The following LSMEM1 variants were observed in gnomAD, a reference collection of about 807,000 sequenced individuals.
The protein encoded by LSMEM1 is leucine-rich single-pass membrane protein 1.
In LSMEM1, 10 loss-of-function variants were observed where a neutral mutation model predicts 11.3. The observed-to-expected ratio is 0.89, with a 90% confidence interval of 0.55 to 1.50. The LOEUF (loss-of-function observed/expected upper bound fraction) is 1.50, where lower values mean the gene tolerates loss of function less well. LSMEM1 is among the 40% of genes most tolerant of loss of function. LSMEM1 has a pLI of 0.00. For synonymous variants in LSMEM1, 65 were observed against 59.3 expected, an observed-to-expected ratio of 1.10 and a Z score of -0.44; for missense variants, 151 against 152.9, an observed-to-expected ratio of 0.99 and a Z score of 0.06.
At chr7:112,484,738 T>C in intron 1 of LSMEM1, 74 bp from the exon 2 acceptor site, 1 of 1,524,516 alleles carries the variant, frequency 6.6e-7, no homozygotes, top group Non-Finnish European at 8.9e-7. Context: ...TCTGGCTTCC[T>C]GGTGGCTGTG....
intron 1 of LSMEM1, among the ~76,000 whole-genome samples, 197 bp from the exon 2 acceptor site, chr7:112,484,614 CA>C (rs543741873): frequency 5.7e-4 from 87 of 152,162 alleles, no homozygotes; most frequent in African/African-American, 2.0e-3. Flanking sequence ...GCAAGCAAAG[CA>C]AAAAGAACGA....
intron 1 of LSMEM1, among the ~76,000 whole-genome samples, 163 bp from the exon 2 acceptor site, chr7:112,484,649 A>G (rs1796093531): frequency 6.6e-6 from 1 of 152,164 alleles, no homozygotes. Context: ...CACAGAAGGA[A>G]ATATTTTTTT....
chr7:112,490,628 T>A lies in LSMEM1; in HGVS notation c.*679T>A, dbSNP rs988520397. The stretch of plus-strand genomic sequence containing the variant: ...TCACTCTACTCAAGAGGAGCTCACA[T>A]AAGAGTGCAGGATAAAGAAAGGAGA... On this transcript the variant is annotated 3_prime_UTR_variant, in exon 4 of 4. Transcript: ENST00000312849. 3.3e-5 allele frequency: 5 copies of A among 152,230 alleles called. No individual in the cohort carries two copies. Among genetic ancestry groups the A allele is most frequent in the Non-Finnish European group, 5.9e-5 (4 of 68,038 alleles). 9.4% of individuals were successfully genotyped at this position (152,230 alleles called of 1,614,324 possible). A position where few individuals can be genotyped will look rare whatever the true frequency, so the allele number is the denominator to read the frequency against.
rs781694131 is a variant in LSMEM1, at chr7:112,485,797, C to T, written c.127+854C>T. Among the ~76,000 whole-genome samples the T allele has an allele frequency of 3.0e-4, 46 of 151,888 alleles. 1 individual carries two copies. Among genetic ancestry groups the T allele is most frequent in the Middle Eastern group, 3.2e-3 (1 of 316 alleles). Reference sequence around the variant, plus strand: ...TACTTATAAGGCATGGGACATAAGCCACCCATCTGTCCATAATCAAGTGGC... The same window carrying T: ...TACTTATAAGGCATGGGACATAAGCTACCCATCTGTCCATAATCAAGTGGC... On this transcript the variant is annotated intron_variant, in intron 2 of 3. Transcript: ENST00000312849.
intron 3 of LSMEM1, among the ~76,000 whole-genome samples, chr7:112,489,152 A>C (rs2117375242): frequency 6.6e-6 from 1 of 152,374 alleles, no homozygotes; most frequent in South Asian, 2.1e-4. Context: ...AGGTGAATAA[A>C]GAAGAGTGTT....
chr7:112,485,031 T>TGGGGGTGGG, intron 2 of LSMEM1, 88 bp downstream of exon 2: 1 of 1,199,592 alleles, frequency 8.3e-7, no homozygotes, highest in Non-Finnish European at 1.1e-6. Flanking sequence ...GTGGGTGTGG[T>TGGGGGTGGG]GGAGGGGGAG....
At chr7:112,488,415 C>T (rs1796178445) in intron 3 of LSMEM1, among the ~76,000 whole-genome samples, 1 of 152,092 alleles carries the variant, frequency 6.6e-6, no homozygotes, top group African/African-American at 2.4e-5. Context: ...GGTATGTCTA[C>T]AGACATGTAA....
At chr7:112,485,315 T>A (rs1796108109) in intron 2 of LSMEM1, among the ~76,000 whole-genome samples, 1 of 152,140 alleles carries the variant, frequency 6.6e-6, no homozygotes, top group Non-Finnish European at 1.5e-5. Flanking sequence ...TGTTGTTTTA[T>A]AGCAGATTGC....
rs145226556 is a variant in LSMEM1, at chr7:112,481,547, C to T, written c.-6+201C>T. 4.3e-3 allele frequency among the ~76,000 whole-genome samples: 656 copies of T among 152,290 alleles called. 4 individuals carry two copies. The highest frequency in any genetic ancestry group is 7.2e-3 in the Non-Finnish European group (488 of 68,028). On this transcript the variant is annotated intron_variant, in intron 1 of 3. Coordinates refer to ENST00000312849, the MANE Select transcript of LSMEM1 (RefSeq NM_182597.3). ...CAAATTACCATGACTCATTCAATAA[C>T]ACTGCTTATTAGCTTTGAATTATGC...
chr7:112,485,009 C>T, intron 2 of LSMEM1, 66 bp downstream of exon 2: 1 of 1,471,542 alleles, frequency 6.8e-7, no homozygotes, highest in Non-Finnish European at 9.2e-7. Context: ...ATAGCCACTG[C>T]TGACTGGATG....
intron 2 of LSMEM1, among the ~76,000 whole-genome samples, chr7:112,486,673 G>A (rs1796133942): frequency 1.3e-5 from 2 of 152,168 alleles, no homozygotes; most frequent in Non-Finnish European, 2.9e-5. Context: ...CTACTCGGGA[G>A]GCTGAGGCAG....
At chr7:112,489,672 T>C in intron 3 of LSMEM1, 138 bp from the exon 4 acceptor site, 1 of 911,246 alleles carries the variant, frequency 1.1e-6, no homozygotes. Context: ...ACTGGGCTTC[T>C]GGCATGCATG....
chr7:112,486,675 C>T (rs1249807377), intron 2 of LSMEM1, among the ~76,000 whole-genome samples: 1 of 152,092 alleles, frequency 6.6e-6, no homozygotes, highest in African/African-American at 2.4e-5. Context: ...ACTCGGGAGG[C>T]TGAGGCAGGA....
Position 112,481,324 on chromosome 7 carries a change from T to G in LSMEM1, c.-28T>G, listed in dbSNP as rs190445740. On this transcript the variant is annotated 5_prime_UTR_variant, in exon 1 of 4. Transcript: ENST00000312849. ...GTTTTGTTTTGTTTTTCTGGTAACC[T>G]AGCAGTCAAAGCTCACATTTTTGTA... 2.0e-3 allele frequency: 303 copies of G among 155,262 alleles called. 2 individuals carry two copies. Among genetic ancestry groups the G allele is most frequent in the Non-Finnish European group, 1.9e-3 (130 of 70,190 alleles). The allele number at this position is 155,262 out of a possible 1,614,324, so 9.6% of individuals were successfully genotyped here. A position where few individuals can be genotyped will look rare whatever the true frequency, so the allele number is the denominator to read the frequency against.
chr7:112,485,584 A>G (rs888781474), intron 2 of LSMEM1, among the ~76,000 whole-genome samples: 3 of 152,040 alleles, frequency 2.0e-5, no homozygotes, highest in South Asian at 2.1e-4. Context: ...TACTGTTCCA[A>G]TTTTATATCT....
chr7:112,489,731 G>A, intron 3 of LSMEM1, 79 bp from the exon 4 acceptor site: 10 of 1,492,234 alleles, frequency 6.7e-6, no homozygotes, highest in South Asian at 1.3e-5. Context: ...CATCAGCTGA[G>A]CACCAACATG....
At chr7:112,485,572 C>T (rs1796112758) in intron 2 of LSMEM1, among the ~76,000 whole-genome samples, 2 of 152,198 alleles carry the variant, frequency 1.3e-5, no homozygotes, top group Non-Finnish European at 2.9e-5. Context: ...GCACTCTAAA[C>T]TTACTGTTCC....
In LSMEM1 at chr7:112,484,904, A is replaced by G. The variant is rs1416951198; in HGVS notation, c.88A>G (p.Lys30Glu). ...GGTGGATTCCATAAATGACTTAAACAAACTAAACCTCTGTCCAGCCGGATC... is the reference window on the plus strand; with the variant it reads ...GGTGGATTCCATAAATGACTTAAACGAACTAAACCTCTGTCCAGCCGGATC... ...YVVDSINDLN[K>E]LNLCPAGSQH... Residue 30 changes from lysine to glutamate, a missense_variant, in exon 2 of 4, where the codon AAA becomes GAA. Coordinates refer to ENST00000312849, the MANE Select transcript of LSMEM1 (RefSeq NM_182597.3). The G allele has an allele frequency of 6.2e-7, 1 of 1,613,708 alleles. No homozygotes were observed. Among genetic ancestry groups the G allele is most frequent in the Non-Finnish European group, 8.5e-7 (1 of 1,179,794 alleles).
chr7:112,489,887 A>G lies in LSMEM1; in HGVS notation c.334A>G (p.Ile112Val). The change falls in exon 4 of 4, where the codon ATC becomes GTC. Residue 112 changes from isoleucine (I) to valine (V), a missense_variant. By Grantham distance (29) the Ile-to-Val change is conservative. Transcript: ENST00000312849. ...EGKDIDDLKR[I>V]NNMIVKRLNQ... The stretch of plus-strand genomic sequence containing the variant: ...AAAAGACATAGATGATCTTAAGAGA[A>G]TCAATAACATGATCGTAAAGCGACT... The G allele has an allele frequency of 6.2e-7, 1 of 1,614,186 alleles. No homozygotes were observed.
Sources: gnomAD v4.1 joint callset for allele counts (sites outside exome capture counted in the v4.1 genomes callset) on GRCh38, gnomAD v4.1.1 for gene constraint, MANE v1.5 for transcripts, NCBI Gene and HGNC (gene_info 2026-07-23, HGNC 2026-07-21) for gene names.